TRIP11: variants seen among roughly 807,000 people sequenced by gnomAD.
The protein encoded by TRIP11 is thyroid hormone receptor interactor 11, also known as thyroid receptor-interacting protein 11.
TRIP11 carries 148 observed loss-of-function variants against 223.1 expected under a neutral mutation model. The ratio of observed to expected loss-of-function variants is 0.66; its 90% confidence interval spans 0.58 to 0.76. TRIP11 has a LOEUF of 0.76. Ranked by LOEUF, TRIP11 falls within the 30% of genes least tolerant of loss-of-function variation. The probability of loss-of-function intolerance (pLI) is 0.00; values close to 1 mark genes in which losing one functional copy is unlikely to be tolerated. For synonymous variants in TRIP11, 762 were observed against 772.6 expected (o/e 0.99, Z 0.23); for missense variants, 2,043 against 2,222.0 (o/e 0.92, Z 1.62).
intron 20 of TRIP11, among the ~76,000 whole-genome samples, chr14:91,972,118 A>G (rs1482954772): frequency 6.6e-6 from 1 of 152,192 alleles, no homozygotes; most frequent in East Asian, 1.9e-4. Flanking sequence ...AACCCTTACA[A>G]TTTAGTGAGA....
At chr14:91,974,815 A>G (rs2056444051) in intron 18 of TRIP11, 72 bp from the exon 19 acceptor site, 5 of 1,173,278 alleles carry the variant, frequency 4.3e-6, no homozygotes, top group Middle Eastern at 2.1e-4. Context: ...CCACTTTTAT[A>G]TAATTTCTGA....
intron 4 of TRIP11, among the ~76,000 whole-genome samples, chr14:92,020,683 G>A (rs2057100582): frequency 6.6e-6 from 1 of 151,292 alleles, no homozygotes; most frequent in Non-Finnish European, 1.5e-5. Flanking sequence ...AAAAGGATCT[G>A]TTGCTTTTTT....
At chr14:92,020,892 A>G (rs1302784594) in intron 4 of TRIP11, among the ~76,000 whole-genome samples, 1 of 151,410 alleles carries the variant, frequency 6.6e-6, no homozygotes, top group African/African-American at 2.4e-5. Context: ...CAACATAGTG[A>G]AACCCCATCT....
chr14:91,978,089 T>C lies in TRIP11; in HGVS notation c.5261-1900A>G, dbSNP rs1595367516. 6.6e-6 allele frequency among the ~76,000 whole-genome samples: 1 copy of C among 152,180 alleles called. No individual in the cohort carries two copies. Among genetic ancestry groups the C allele is most frequent in the Non-Finnish European group, 1.5e-5 (1 of 68,034 alleles). ...AAAAGGTGGGGGTGGACAGGACTAT[T>C]ATTAAAGTCTGAGTCAGTAAAAGAC... On this transcript the variant is annotated intron_variant, in intron 16 of 20. Transcript: ENST00000267622. The surrounding 1 kb of genome is among the most constrained non-coding windows in gnomAD (Gnocchi z 4.4).
At position 92,004,450 on chromosome 14, in the gene TRIP11, G is replaced by C; in HGVS notation, c.3526C>G (p.Leu1176Val). Residue 1176 changes from leucine (L) to valine (V), a missense_variant, in exon 11 of 21, where the codon CTA (leucine) becomes GTA (valine). Transcript: ENST00000267622. ...AATAAAGTCTGACATTTCTGACTTA[G>C]TGCATCTATTTCGATGTCTTTTTCT... ...IREKDIEIDA[L>V]SQKCQTLLAV... The C allele has an allele frequency of 6.2e-7, 1 of 1,613,784 alleles. No homozygotes were observed. Among genetic ancestry groups the C allele is most frequent in the South Asian group, 1.1e-5 (1 of 91,082 alleles).
chr14:92,039,423 G>T (rs1466661218), intron 1 of TRIP11, 124 bp downstream of exon 1: 2 of 1,047,760 alleles, frequency 1.9e-6, no homozygotes, highest in Non-Finnish European at 2.8e-6. Flanking sequence ...GGTGTGTGAA[G>T]AAAAAAGGGA....
chr14:91,988,986 C>T (rs1184701760), intron 15 of TRIP11, among the ~76,000 whole-genome samples: 3 of 152,158 alleles, frequency 2.0e-5, no homozygotes, highest in African/African-American at 7.2e-5. Context: ...ACCATATCTG[C>T]CATTTTTCTA....
intron 7 of TRIP11, 132 bp downstream of exon 7, chr14:92,014,083 C>A: frequency 7.8e-7 from 1 of 1,283,540 alleles, no homozygotes; most frequent in Non-Finnish European, 1.1e-6. Flanking sequence ...CACAATTCTA[C>A]CCAAATGACA....
At chr14:91,976,747 G>A (rs926464052) in intron 16 of TRIP11, among the ~76,000 whole-genome samples, 2 of 152,018 alleles carry the variant, frequency 1.3e-5, no homozygotes, top group African/African-American at 4.8e-5. Flanking sequence ...TACAAATCAA[G>A]ATACTATAGC....
intron 15 of TRIP11, among the ~76,000 whole-genome samples, chr14:91,989,173 C>A (rs1356735647): frequency 2.6e-5 from 4 of 152,120 alleles, no homozygotes; most frequent in Non-Finnish European, 5.9e-5. Flanking sequence ...ATAGTTAAAT[C>A]TTTAACACAG....
chr14:92,011,114 T>G, intron 8 of TRIP11, 42 bp from the exon 9 acceptor site: 9 of 1,583,068 alleles, frequency 5.7e-6, no homozygotes, highest in Non-Finnish European at 7.8e-6. Context: ...AACAAGAAAT[T>G]TCCAGTTTAT....
intron 7 of TRIP11, 119 bp downstream of exon 7, chr14:92,014,096 C>T (rs1042118562): frequency 1.6e-5 from 21 of 1,350,946 alleles, no homozygotes; most frequent in Middle Eastern, 1.8e-4. Flanking sequence ...AAATGACACA[C>T]AGTCATTTCC....
chr14:91,980,219 T>G (rs17733282), intron 16 of TRIP11, among the ~76,000 whole-genome samples: 45,165 of 152,080 alleles, frequency 0.3, 6,878 homozygotes, highest in Middle Eastern at 0.35. Flanking sequence ...AATTTTACAT[T>G]TCATTTGTAA....
At chr14:91,986,722 C>A (rs578037777) in intron 16 of TRIP11, among the ~76,000 whole-genome samples, 1 of 152,274 alleles carries the variant, frequency 6.6e-6, no homozygotes, top group African/African-American at 2.4e-5. Flanking sequence ...TAGCCCAACC[C>A]GAAGATTATC....
intron 18 of TRIP11, 42 bp from the exon 19 acceptor site, chr14:91,974,785 G>C (rs201492366): frequency 3.8e-6 from 4 of 1,061,640 alleles, no homozygotes; most frequent in African/African-American, 1.8e-5. Context: ...ATCAGTACAA[G>C]AAAAAAAAAA....
chr14:91,994,177 C>T (rs2056717668), intron 14 of TRIP11, among the ~76,000 whole-genome samples: 1 of 151,996 alleles, frequency 6.6e-6, no homozygotes, highest in Non-Finnish European at 1.5e-5. Context: ...GCAACACTTT[C>T]TCTACAGTCT....
chr14:91,972,326 A>G (rs2056410045), intron 20 of TRIP11, among the ~76,000 whole-genome samples: 1 of 152,190 alleles, frequency 6.6e-6, no homozygotes, highest in South Asian at 2.1e-4. Flanking sequence ...CAAACTATAA[A>G]CTACACATCT....
chr14:92,033,941 T>C (rs2057296107), intron 1 of TRIP11, among the ~76,000 whole-genome samples: 2 of 152,186 alleles, frequency 1.3e-5, no homozygotes, highest in East Asian at 3.8e-4. Flanking sequence ...GAAAGGAATG[T>C]GCTTTCTAAG....
chr14:91,992,079 C>CA (rs3031548), intron 15 of TRIP11, among the ~76,000 whole-genome samples: 22,178 of 59,642 alleles, frequency 0.37, 4,502 homozygotes, highest in Admixed American at 0.45. Flanking sequence ...AACGCCGTCT[C>CA]AAAAAAAAAA....
Sources: allele counts gnomAD v4.1 joint callset (sites outside exome capture counted in the v4.1 genomes callset), GRCh38; gene constraint gnomAD v4.1.1; non-coding constraint Gnocchi (gnomAD v3.1); transcripts MANE v1.5; gene names NCBI Gene and HGNC (gene_info 2026-07-23, HGNC 2026-07-21).